Variants in CACNA1E observed in about 807,000 individuals in gnomAD.
CACNA1E encodes the protein calcium voltage-gated channel subunit alpha1 E.
In CACNA1E, 40 loss-of-function variants were observed where a neutral mutation model predicts 259.2. The ratio of observed to expected loss-of-function variants is 0.15; its 90% CI spans 0.12 to 0.20. CACNA1E has a LOEUF of 0.20. Ranked by LOEUF, CACNA1E falls within the 10% of genes least tolerant of loss-of-function variation. The pLI is 1.00. For missense variants in CACNA1E, 1,874 were observed against 3,040.1 expected, an observed-to-expected ratio of 0.62 and a Z score of 9.02; for synonymous variants, 1,104 against 1,138.5, an observed-to-expected ratio of 0.97 and a Z score of 0.61.
intron 7 of CACNA1E, among the ~76,000 whole-genome samples, chr1:181,688,640 TATC>T (rs1238292752): frequency 6.6e-6 from 1 of 152,236 alleles, no homozygotes; most frequent in East Asian, 1.9e-4. Flanking sequence ...CTCAAATACT[TATC>T]ATTTATTTGT....
intron 2 of CACNA1E, among the ~76,000 whole-genome samples, chr1:181,459,659 C>T (rs776202873): frequency 6.6e-6 from 1 of 152,230 alleles, no homozygotes; most frequent in Non-Finnish European, 1.5e-5. Context: ...GTTTCTGGGA[C>T]TTTTGGCTGC....
intron 7 of CACNA1E, among the ~76,000 whole-genome samples, chr1:181,690,380 C>T (rs1314531575): frequency 1.3e-5 from 2 of 152,074 alleles, no homozygotes; most frequent in Non-Finnish European, 2.9e-5. Context: ...TTACTGTAGC[C>T]TTATAGTATA....
chr1:181,483,326 C>T (rs1663462011), upstream of CACNA1E: 1 of 157,172 alleles, frequency 6.4e-6, no homozygotes, highest in Admixed American at 6.5e-5. Flanking sequence ...CTGCCTCTCT[C>T]CCTGAACTAG....
intron 7 of CACNA1E, among the ~76,000 whole-genome samples, chr1:181,693,987 T>TA (rs1651455674): frequency 3.3e-5 from 5 of 152,168 alleles, no homozygotes; most frequent in Admixed American, 3.3e-4. Context: ...CCCTTTAGGA[T>TA]ATGAGGCAAG....
intron 7 of CACNA1E, among the ~76,000 whole-genome samples, chr1:181,699,363 TAAAC>T (rs1335835324): frequency 6.6e-6 from 1 of 152,168 alleles, no homozygotes; most frequent in East Asian, 1.9e-4. Context: ...ATTAATGAAA[TAAAC>T]AGGTTAATGT....
chr1:181,407,264 G>T (rs1657531193), intron 1 of CACNA1E, among the ~76,000 whole-genome samples: 1 of 152,118 alleles, frequency 6.6e-6, no homozygotes, highest in African/African-American at 2.4e-5. Context: ...TTTGCAGGGA[G>T]TGGGGGTGGG....
In CACNA1E at chr1:181,485,383, T is replaced by C. The variant is rs908141238; in HGVS notation, c.266+1373T>C. 1.3e-5 allele frequency among the ~76,000 whole-genome samples: 2 copies of C among 152,138 alleles called. No individual in the cohort carries two copies. Among genetic ancestry groups the C allele is most frequent in the African/African-American group, 4.8e-5 (2 of 41,424 alleles). ...CTAGTTCCCTGCCTCAGCAGCTCGG[T>C]GATTGGCTGGCGCGTGGTGCTTCTA... On this transcript the variant is annotated intron_variant, in intron 1 of 47. Coordinates refer to ENST00000367573, the MANE Select transcript of CACNA1E (RefSeq NM_001205293.3). This position sits in a 1 kb window ranked among gnomAD's most constrained non-coding sequence, Gnocchi z 4.2.
At chr1:181,497,858 A>G (rs1486547091) in intron 1 of CACNA1E, among the ~76,000 whole-genome samples, 2 of 152,196 alleles carry the variant, frequency 1.3e-5, no homozygotes, top group Non-Finnish European at 2.9e-5. Context: ...AAGAAGAGCA[A>G]CTATCTCTTT....
At chr1:181,349,958 A>G (rs1470353904) in intron 1 of CACNA1E, among the ~76,000 whole-genome samples, 1 of 152,106 alleles carries the variant, frequency 6.6e-6, no homozygotes, top group East Asian at 1.9e-4. Context: ...ATCCAGCCTC[A>G]ACTTCTGAGA....
chr1:181,745,330 AT>A (rs375841404), intron 25 of CACNA1E: 95,412 of 393,764 alleles, frequency 0.24, 4 homozygotes, highest in South Asian at 0.34. Context: ...ACACCCAAGT[AT>A]TTTTTTTTTT....
intron 6 of CACNA1E, among the ~76,000 whole-genome samples, chr1:181,640,517 C>T (rs1657650622): frequency 1.3e-5 from 2 of 152,186 alleles, no homozygotes; most frequent in Admixed American, 1.3e-4. Flanking sequence ...TGGGGCTAAC[C>T]AGACTTACAT....
chr1:181,692,806 A>C (rs2102331117), intron 7 of CACNA1E, among the ~76,000 whole-genome samples: 1 of 152,278 alleles, frequency 6.6e-6, no homozygotes, highest in South Asian at 2.1e-4. Context: ...GGACCTAATT[A>C]AACTAAAGAG....
intron 2 of CACNA1E, among the ~76,000 whole-genome samples, chr1:181,472,197 C>T (rs961175507): frequency 6.6e-5 from 8 of 121,516 alleles, no homozygotes; most frequent in African/African-American, 2.7e-4. Flanking sequence ...GGGAATGAAA[C>T]AGTGGTTAGC....
chr1:181,686,083 G>A (rs929546454), intron 7 of CACNA1E, among the ~76,000 whole-genome samples: 1 of 151,886 alleles, frequency 6.6e-6, no homozygotes, highest in Non-Finnish European at 1.5e-5. Flanking sequence ...GAGACAGTGA[G>A]GGGTAGATTA....
chr1:181,530,213 G>A (rs545871217), intron 3 of CACNA1E, among the ~76,000 whole-genome samples: 19 of 152,174 alleles, frequency 1.2e-4, no homozygotes, highest in South Asian at 2.1e-4. Flanking sequence ...TCTTGCCGCC[G>A]CCATGTTAAG....
chr1:181,720,944 G>T, intron 15 of CACNA1E, 89 bp downstream of exon 15: 1 of 869,652 alleles, frequency 1.1e-6, no homozygotes, highest in Admixed American at 2.2e-5. Context: ...GGATAATTCT[G>T]CTTTTCCTTT....
At chr1:181,630,001 T>A (rs1324251487) in intron 6 of CACNA1E, among the ~76,000 whole-genome samples, 1 of 152,106 alleles carries the variant, frequency 6.6e-6, no homozygotes, top group Non-Finnish European at 1.5e-5. Context: ...GAGTAATGTG[T>A]ATAGTATGAT....
At chr1:181,594,854 T>C (rs1032023938) in intron 6 of CACNA1E, among the ~76,000 whole-genome samples, 2 of 152,218 alleles carry the variant, frequency 1.3e-5, no homozygotes, top group African/African-American at 2.4e-5. Flanking sequence ...AAAATGTATG[T>C]GTGAGAGTGC....
At chr1:181,437,502 C>T (rs1660172849) in intron 2 of CACNA1E, among the ~76,000 whole-genome samples, 1 of 152,194 alleles carries the variant, frequency 6.6e-6, no homozygotes, top group Non-Finnish European at 1.5e-5. Context: ...CCCTCCTAAC[C>T]ACTCTAACAG....
Sources: allele counts gnomAD v4.1 joint callset (sites outside exome capture counted in the v4.1 genomes callset), GRCh38; gene constraint gnomAD v4.1.1; non-coding constraint Gnocchi (gnomAD v3.1); transcripts MANE v1.5; gene names NCBI Gene and HGNC (gene_info 2026-07-23, HGNC 2026-07-21).